The following PLCB1 variants were observed in gnomAD, a reference collection of about 807,000 sequenced individuals.
The protein encoded by PLCB1 is phospholipase C beta 1, also known as 1-phosphatidylinositol 4,5-bisphosphate phosphodiesterase beta-1.
In PLCB1, 46 loss-of-function variants were observed where a neutral mutation model predicts 161.8. That is an observed-to-expected ratio of 0.28 (90% confidence interval 0.22 to 0.36). The LOEUF (loss-of-function observed/expected upper bound fraction) is 0.36. Ranked by LOEUF, PLCB1 falls within the 10% of genes least tolerant of loss-of-function variation. The pLI is 1.00. For missense variants in PLCB1, 1,016 were observed against 1,472.5 expected (o/e 0.69, Z 5.07); for synonymous variants, 517 against 503.7 (o/e 1.03, Z -0.35).
chr20:8,857,375 G>C (rs1231630424), intron 31 of PLCB1, among the ~76,000 whole-genome samples: 2 of 152,126 alleles, frequency 1.3e-5, no homozygotes, highest in African/African-American at 2.4e-5. Flanking sequence ...TAAGTATAAG[G>C]TATCTATATT....
At chr20:8,184,277 A>C (rs2051877439) in intron 2 of PLCB1, among the ~76,000 whole-genome samples, 1 of 152,170 alleles carries the variant, frequency 6.6e-6, no homozygotes, top group Non-Finnish European at 1.5e-5. Flanking sequence ...AGCATAAAAA[A>C]GAAGCTGAAT....
intron 12 of PLCB1, among the ~76,000 whole-genome samples, chr20:8,711,629 G>C (rs1261480403): frequency 2.4e-4 from 36 of 152,146 alleles, no homozygotes; most frequent in Admixed American, 2.4e-3. Flanking sequence ...GGAGTTGCTT[G>C]CTTCATATTT....
intron 7 of PLCB1, among the ~76,000 whole-genome samples, chr20:8,656,976 G>A (rs746713286): frequency 1.3e-5 from 2 of 151,884 alleles, no homozygotes; most frequent in Non-Finnish European, 2.9e-5. Flanking sequence ...GTGTCCAAAT[G>A]AACGCTACGG....
At chr20:8,385,961 G>A (rs2122408476) in intron 3 of PLCB1, among the ~76,000 whole-genome samples, 1 of 152,310 alleles carries the variant, frequency 6.6e-6, no homozygotes, top group East Asian at 1.9e-4. Context: ...GGCCATCTTG[G>A]CCCTGCCTCC....
chr20:8,872,890 G>T (rs184136597), intron 31 of PLCB1, among the ~76,000 whole-genome samples: 3 of 151,984 alleles, frequency 2.0e-5, no homozygotes, highest in Non-Finnish European at 4.4e-5. Flanking sequence ...ATCTCTCCTC[G>T]CCCCGCAAAA....
At chr20:8,809,565 G>A (rs1045548299) in intron 31 of PLCB1, among the ~76,000 whole-genome samples, 8 of 152,054 alleles carry the variant, frequency 5.3e-5, no homozygotes, top group Admixed American at 3.3e-4. Context: ...CAGGAGAGCC[G>A]TATATTAATC....
At chr20:8,180,147 C>T (rs1488095379) in intron 2 of PLCB1, among the ~76,000 whole-genome samples, 2 of 151,876 alleles carry the variant, frequency 1.3e-5, no homozygotes, top group Non-Finnish European at 2.9e-5. Flanking sequence ...CGTGAGCCAC[C>T]GCGCCCGGCC....
At chr20:8,558,664 G>C (rs913367105) in intron 3 of PLCB1, among the ~76,000 whole-genome samples, 2 of 151,818 alleles carry the variant, frequency 1.3e-5, no homozygotes, top group Non-Finnish European at 2.9e-5. Context: ...GAAAGCTCTA[G>C]ACAAAGAATC....
intron 2 of PLCB1, among the ~76,000 whole-genome samples, chr20:8,265,492 T>C (rs1208376382): frequency 6.6e-6 from 1 of 152,152 alleles, no homozygotes; most frequent in Non-Finnish European, 1.5e-5. Flanking sequence ...GGATAAAATA[T>C]AAAAACAGAG....
chr20:8,845,970 A>G (rs1301276723), intron 31 of PLCB1, among the ~76,000 whole-genome samples: 1 of 152,214 alleles, frequency 6.6e-6, no homozygotes, highest in Non-Finnish European at 1.5e-5. Flanking sequence ...ATAATTCCAT[A>G]ATCAGGAAAC....
chr20:8,757,370 A>G (rs954474977), intron 24 of PLCB1, among the ~76,000 whole-genome samples, 192 bp downstream of exon 24: 6 of 152,224 alleles, frequency 3.9e-5, no homozygotes, highest in African/African-American at 1.2e-4. Context: ...ATCTGGCTCT[A>G]CAGATAACTT....
At chr20:8,841,582 T>C (rs1986505456) in intron 31 of PLCB1, among the ~76,000 whole-genome samples, 2 of 152,348 alleles carry the variant, frequency 1.3e-5, no homozygotes, top group East Asian at 1.9e-4. Flanking sequence ...TACCTCTGTC[T>C]TTCCGTAAGA....
At chr20:8,787,380 A>ATACT in intron 27 of PLCB1, among the ~76,000 whole-genome samples, 1 of 152,362 alleles carries the variant, frequency 6.6e-6, no homozygotes, top group Admixed American at 6.5e-5. Flanking sequence ...GGACTCCCTT[A>ATACT]TACTTGGCTG....
chr20:8,549,318 T>G (rs1158720456), intron 3 of PLCB1, among the ~76,000 whole-genome samples: 1 of 152,178 alleles, frequency 6.6e-6, no homozygotes, highest in Non-Finnish European at 1.5e-5. Flanking sequence ...CTATTTTCAT[T>G]TTTTAGCCAA....
chr20:8,219,404 C>A (rs969074247), intron 2 of PLCB1, among the ~76,000 whole-genome samples: 3 of 152,102 alleles, frequency 2.0e-5, no homozygotes, highest in Non-Finnish European at 4.4e-5. Flanking sequence ...CAAGCAAAGG[C>A]CCTGGGGCAG....
intron 2 of PLCB1, among the ~76,000 whole-genome samples, chr20:8,320,608 A>G (rs1165014757): frequency 2.0e-5 from 3 of 151,856 alleles, no homozygotes; most frequent in East Asian, 3.9e-4. Context: ...CTTTGAACCA[A>G]CTCTCAGGAA....
intron 3 of PLCB1, among the ~76,000 whole-genome samples, chr20:8,452,831 G>A (rs2122653207): frequency 6.6e-6 from 1 of 152,336 alleles, no homozygotes; most frequent in Admixed American, 6.5e-5. Flanking sequence ...AACAACTGTA[G>A]GACTTTGGGA....
intron 2 of PLCB1, among the ~76,000 whole-genome samples, chr20:8,295,866 C>G (rs759265532): frequency 6.6e-6 from 1 of 152,032 alleles, no homozygotes; most frequent in Non-Finnish European, 1.5e-5. Flanking sequence ...CACACCACCA[C>G]GCCTGGCTGA....
chr20:8,719,161 A>G (rs954773865), intron 14 of PLCB1, among the ~76,000 whole-genome samples: 8 of 152,300 alleles, frequency 5.3e-5, no homozygotes, highest in Non-Finnish European at 1.0e-4. Context: ...TTGCAGGGTG[A>G]TTAAGTGGAA....
Sources: allele counts gnomAD v4.1 joint callset (sites outside exome capture counted in the v4.1 genomes callset), GRCh38; gene constraint gnomAD v4.1.1; transcripts MANE v1.5; gene names NCBI Gene and HGNC (gene_info 2026-07-23, HGNC 2026-07-21).